The following CPQ variants were observed in gnomAD, a reference collection of about 807,000 sequenced individuals.
CPQ encodes Ser-Met dipeptidase.
In CPQ, 37 loss-of-function variants were observed where a neutral mutation model predicts 45.7. That is an observed-to-expected ratio of 0.81 (90% CI 0.62 to 1.07). The LOEUF is 1.07. CPQ is among the 50% of genes least tolerant of loss of function. The pLI, the probability that CPQ is intolerant of heterozygous loss-of-function variation, is 0.00. For synonymous variants in CPQ, 186 were observed against 205.8 expected (o/e 0.90, Z 0.82); for missense variants, 537 against 572.9 (o/e 0.94, Z 0.64).
At chr8:96,936,030 GATAGGAAATTATAATTTTGTGTAT>G (rs1813044488) in intron 4 of CPQ, among the ~76,000 whole-genome samples, 1 of 151,974 alleles carries the variant, frequency 6.6e-6, no homozygotes, top group African/African-American at 2.4e-5. Context: ...GTGAACATCA[GATAGGAAATTATAATTTTGTGTAT>G]ATTCTTTCCC....
At chr8:96,746,231 G>A (rs1231638326) in intron 1 of CPQ, among the ~76,000 whole-genome samples, 1 of 152,166 alleles carries the variant, frequency 6.6e-6, no homozygotes, top group Non-Finnish European at 1.5e-5. Context: ...TGAAATACTG[G>A]AGCCAAGCAA....
chr8:96,826,928 C>T (rs931802022), intron 2 of CPQ, among the ~76,000 whole-genome samples: 1 of 152,028 alleles, frequency 6.6e-6, no homozygotes, highest in Non-Finnish European at 1.5e-5. Context: ...TGGCTTCCAG[C>T]TCCACCCATG....
intron 6 of CPQ, among the ~76,000 whole-genome samples, chr8:97,045,371 T>A (rs2130497747): frequency 6.6e-6 from 1 of 152,314 alleles, no homozygotes; most frequent in South Asian, 2.1e-4. Context: ...AGTGACCCGA[T>A]TTTCCAGGTG....
chr8:96,975,159 G>GGA (rs1813752892), intron 5 of CPQ, among the ~76,000 whole-genome samples: 1 of 151,536 alleles, frequency 6.6e-6, no homozygotes, highest in African/African-American at 2.4e-5. Flanking sequence ...AAATGAAATG[G>GGA]GAGATATTAC....
chr8:97,099,759 T>C (rs1310383165), intron 7 of CPQ, among the ~76,000 whole-genome samples: 1 of 152,192 alleles, frequency 6.6e-6, no homozygotes, highest in Non-Finnish European at 1.5e-5. Flanking sequence ...AATGGATATT[T>C]TGGATCTTGC....
At chr8:96,863,170 G>T (rs1811952233) in intron 3 of CPQ, among the ~76,000 whole-genome samples, 1 of 152,096 alleles carries the variant, frequency 6.6e-6, no homozygotes, top group African/African-American at 2.4e-5. Context: ...TAGTTTCTAG[G>T]ATTTCAAGCC....
intron 1 of CPQ, among the ~76,000 whole-genome samples, chr8:96,661,684 C>G (rs917199377): frequency 5.3e-5 from 8 of 152,154 alleles, no homozygotes; most frequent in Non-Finnish European, 8.8e-5. Flanking sequence ...TTTATCCGTT[C>G]ACCTACTGAA....
At position 96,721,895 on chromosome 8, in the gene CPQ, G is replaced by A. The variant is rs144799311; in HGVS notation, c.-34-62969G>A. ...TTTGCACATTTATTTTTCTTTTTCC[G>A]GAATTCCTACTCTGTCTCCCCACTT... is the stretch of plus-strand genomic sequence containing the variant. On this transcript the variant is annotated intron_variant, in intron 1 of 7. Coordinates refer to ENST00000220763, the MANE Select transcript of CPQ (RefSeq NM_016134.4). Among the ~76,000 whole-genome samples the A allele has an allele frequency of 1.2e-3, 176 of 151,894 alleles. 1 individual carries two copies. Among genetic ancestry groups the A allele is most frequent in the African/African-American group, 4.0e-3 (165 of 41,398 alleles).
At chr8:96,987,255 G>C (rs1482110923) in intron 5 of CPQ, among the ~76,000 whole-genome samples, 1 of 152,062 alleles carries the variant, frequency 6.6e-6, no homozygotes, top group Non-Finnish European at 1.5e-5. Flanking sequence ...CCCACATCCA[G>C]TGCAAAGTAA....
At chr8:97,073,137 C>G (rs1810778864) in intron 7 of CPQ, among the ~76,000 whole-genome samples, 1 of 152,176 alleles carries the variant, frequency 6.6e-6, no homozygotes, top group East Asian at 1.9e-4. Context: ...TATAATAGTT[C>G]AGACTCCACG....
chr8:96,671,781 A>C (rs1453686550), intron 1 of CPQ, among the ~76,000 whole-genome samples: 1 of 152,184 alleles, frequency 6.6e-6, no homozygotes, highest in Non-Finnish European at 1.5e-5. Flanking sequence ...ATGAAGGTTT[A>C]GCATTTTAGA....
At chr8:96,906,712 G>A (rs1486467447) in intron 4 of CPQ, among the ~76,000 whole-genome samples, 1 of 152,024 alleles carries the variant, frequency 6.6e-6, no homozygotes, top group Non-Finnish European at 1.5e-5. Flanking sequence ...GGTGGAAGGG[G>A]CAAGGCAGCT....
At chr8:97,033,448 T>G (rs947998283) in intron 6 of CPQ, among the ~76,000 whole-genome samples, 1 of 152,238 alleles carries the variant, frequency 6.6e-6, no homozygotes, top group Non-Finnish European at 1.5e-5. Context: ...TACCTACTTC[T>G]GGTCTATAAT....
At position 96,688,517 on chromosome 8, in the gene CPQ, CGTGT is replaced by C. The variant is rs139233546; in HGVS notation, c.-35+43120_-35+43123del. 1.9e-3 allele frequency among the ~76,000 whole-genome samples: 287 copies of C among 151,980 alleles called. 5 individuals are homozygous for C. Among genetic ancestry groups the C allele is most frequent in the Admixed American group, 0.013 (191 of 15,268 alleles). ...TATGGACTATTTCTGCTTTGTGGGG[CGTGT>C]GTGTATTTTCTGATTTGGAAGATTT... On this transcript the variant is annotated intron_variant, in intron 1 of 7. Coordinates refer to ENST00000220763, the MANE Select transcript of CPQ (RefSeq NM_016134.4).
At chr8:97,098,433 C>T (rs1467619473) in intron 7 of CPQ, among the ~76,000 whole-genome samples, 2 of 152,148 alleles carry the variant, frequency 1.3e-5, no homozygotes, top group Admixed American at 1.3e-4. Context: ...AGAGGTCATA[C>T]TCCCCTTCCA....
At chr8:96,791,555 G>A (rs1326521593) in intron 2 of CPQ, among the ~76,000 whole-genome samples, 1 of 152,094 alleles carries the variant, frequency 6.6e-6, no homozygotes, top group Non-Finnish European at 1.5e-5. Context: ...AATCTATTCT[G>A]TTTTCCAAGA....
intron 4 of CPQ, among the ~76,000 whole-genome samples, chr8:96,886,008 T>C (rs1006913773): frequency 2.2e-4 from 33 of 152,168 alleles, no homozygotes; most frequent in African/African-American, 7.7e-4. Context: ...ATGAAAATAC[T>C]TTATTGGGTT....
intron 1 of CPQ, among the ~76,000 whole-genome samples, chr8:96,717,293 G>A (rs1452823565): frequency 5.9e-5 from 9 of 151,472 alleles, no homozygotes; most frequent in African/African-American, 2.2e-4. Context: ...GTTCTTTAAG[G>A]AATCTCCACA....
At chr8:96,706,416 G>T (rs1288565220) in intron 1 of CPQ, among the ~76,000 whole-genome samples, 1 of 151,972 alleles carries the variant, frequency 6.6e-6, no homozygotes, top group African/African-American at 2.4e-5. Context: ...CCTGCATAGG[G>T]CTGGAGAAGA....
Sources: allele counts gnomAD v4.1 joint callset (sites outside exome capture counted in the v4.1 genomes callset), GRCh38; gene constraint gnomAD v4.1.1; transcripts MANE v1.5; gene names NCBI Gene and HGNC (gene_info 2026-07-23, HGNC 2026-07-21).